Variants in LSP1 observed in about 807,000 individuals in gnomAD.
LSP1 encodes the protein lymphocyte-specific protein 1.
A neutral mutation model predicts 49.3 loss-of-function variants in LSP1; 32 were observed. The observed-to-expected ratio is 0.65, with a 90% confidence interval of 0.49 to 0.87. The LOEUF is 0.87. Among genes scored for constraint, LSP1 ranks in the 40% least tolerant of loss-of-function variants. The pLI, the probability that LSP1 is intolerant of heterozygous loss-of-function variation, is 0.00. For missense variants in LSP1, 428 were observed against 442.6 expected (o/e 0.97, Z 0.30); for synonymous variants, 179 against 178.8 (o/e 1.00, Z -0.01).
chr11:1,859,285 C>T (rs768224841), intron 1 of LSP1, among the ~76,000 whole-genome samples: 1 of 152,142 alleles, frequency 6.6e-6, no homozygotes, highest in Non-Finnish European at 1.5e-5. Flanking sequence ...AAGCCCAGTA[C>T]CCTTCCCAGA....
chr11:1,873,361 C>T (rs1265872127), intron 1 of LSP1, among the ~76,000 whole-genome samples: 1 of 152,126 alleles, frequency 6.6e-6, no homozygotes, highest in Non-Finnish European at 1.5e-5. Context: ...CAGCTCCCCT[C>T]TGTGCTTCTT....
At chr11:1,860,278 A>C (rs1193702344) in intron 1 of LSP1, among the ~76,000 whole-genome samples, 1 of 151,714 alleles carries the variant, frequency 6.6e-6, no homozygotes, top group Non-Finnish European at 1.5e-5. Flanking sequence ...TGAATGATGG[A>C]TGGATGGATA....
intron 1 of LSP1, chr11:1,866,582 C>A (rs750992011): frequency 3.4e-5 from 52 of 1,549,448 alleles, no homozygotes; most frequent in Non-Finnish European, 4.4e-5. Flanking sequence ...CTCATCCCAG[C>A]CTCCCCCTAC....
intron 1 of LSP1, among the ~76,000 whole-genome samples, chr11:1,875,074 CGGCCA>C (rs1848251118): frequency 6.7e-6 from 1 of 148,946 alleles, no homozygotes; most frequent in African/African-American, 2.6e-5. Context: ...GGTCCCAGCT[CGGCCA>C]TGGGGGCTTC....
intron 1 of LSP1, among the ~76,000 whole-genome samples, chr11:1,858,234 T>C (rs906323011): frequency 7.2e-5 from 11 of 152,146 alleles, no homozygotes; most frequent in African/African-American, 2.7e-4. Context: ...GTTCGGGTGC[T>C]GAGGGCCCAC....
rs1848801357 is a variant in LSP1, at chr11:1,887,414, A to G, written c.931-60A>G. On this transcript the variant is annotated intron_variant, in intron 9 of 10. Transcript: ENST00000311604. ...ATCTGGGAGGGCTTCCCAGAGGCGGAGGCAGCATCATCTCCTTTCTGCTGC... is the reference window on the plus strand; with the variant it reads ...ATCTGGGAGGGCTTCCCAGAGGCGGGGGCAGCATCATCTCCTTTCTGCTGC... The G allele has an allele frequency of 1.9e-6, 3 of 1,574,056 alleles. No individual in the cohort carries two copies. In the African/African-American group the frequency reaches 4.0e-5, roughly 21 times the overall value.
intron 1 of LSP1, among the ~76,000 whole-genome samples, chr11:1,861,253 A>T (rs1248877013): frequency 6.6e-6 from 1 of 152,264 alleles, no homozygotes; most frequent in African/African-American, 2.4e-5. Context: ...AATCCCCTCC[A>T]GAACTCCATA....
intron 1 of LSP1, among the ~76,000 whole-genome samples, chr11:1,857,652 G>A (rs1283526271): frequency 6.6e-6 from 1 of 152,216 alleles, no homozygotes; most frequent in Non-Finnish European, 1.5e-5. Context: ...AGTGCTTTCT[G>A]GATGAGTAAG....
At chr11:1,862,947 A>G (rs1458504295) in intron 1 of LSP1, among the ~76,000 whole-genome samples, 2 of 152,126 alleles carry the variant, frequency 1.3e-5, no homozygotes, top group African/African-American at 4.8e-5. Context: ...AGCTTTGTGG[A>G]TGCTGGGGAT....
chr11:1,879,906 G>C (rs756042941), intron 1 of LSP1, 181 bp from the exon 2 acceptor site: 34 of 634,878 alleles, frequency 5.4e-5, no homozygotes, highest in Non-Finnish European at 7.2e-5. Flanking sequence ...TCATGACCAC[G>C]TGGGCAGCCT....
At chr11:1,889,431 G>A (rs756200892) in intron 10 of LSP1, 2 of 666,870 alleles carry the variant, frequency 3.0e-6, no homozygotes, top group South Asian at 3.3e-5. Flanking sequence ...GGTGAGGGCG[G>A]GCACCTCCTG....
chr11:1,871,411 A>G lies in LSP1; in HGVS notation c.54-8676A>G, dbSNP rs551713870. 11 of 986,312 alleles carry G rather than the reference A, an allele frequency of 1.1e-5. No individual in the cohort carries two copies. The East Asian group carries it at 1.0e-3, about 90-fold the overall frequency. The allele number at this position is 986,312 out of a possible 1,614,324, so 61.1% of individuals were successfully genotyped here. On this transcript the variant is annotated intron_variant, in intron 1 of 10. Coordinates refer to ENST00000311604, the MANE Select transcript of LSP1 (RefSeq NM_002339.3). ...GGCTGACCACAGAGCACATCAAAAGAGGTAGGGCACCCAGCGCAAGGGAGG... is the reference window on the plus strand; with the variant it reads ...GGCTGACCACAGAGCACATCAAAAGGGGTAGGGCACCCAGCGCAAGGGAGG...
chr11:1,855,891 C>T (rs938647822), intron 1 of LSP1, among the ~76,000 whole-genome samples: 5 of 152,204 alleles, frequency 3.3e-5, no homozygotes, highest in African/African-American at 9.7e-5. Context: ...GCCTTGGAGG[C>T]CTTGAGGCGA....
chr11:1,886,931 C>G, intron 8 of LSP1, 65 bp downstream of exon 8: 1 of 1,563,316 alleles, frequency 6.4e-7, no homozygotes, highest in Non-Finnish European at 8.7e-7. Context: ...AGTAGCAGGC[C>G]GGGTTTCCTT....
At chr11:1,887,406 A>T (rs1350854859) in intron 9 of LSP1, 68 bp from the exon 10 acceptor site, 3 of 1,582,024 alleles carry the variant, frequency 1.9e-6, no homozygotes, top group Non-Finnish European at 2.6e-6. Context: ...AGGGCTTCCC[A>T]GAGGCGGAGG....
intron 1 of LSP1, among the ~76,000 whole-genome samples, chr11:1,874,041 G>GAGGGAGGCCGGCAGAGC (rs1554974213): frequency 0.016 from 1,184 of 73,656 alleles, 131 homozygotes; most frequent in Non-Finnish European, 0.021. Context: ...GCCGGCAGAG[G>GAGGGAGGCCGGCAGAGC]AGGGAGGCTG....
chr11:1,866,463 A>G lies in LSP1; in HGVS notation c.53+13266A>G, dbSNP rs767035902. ...CAGCTCCCACTTGTTGGGTCCGTGC[A>G]GATGCAGAGAGATGGCTCCGATCTG... On this transcript the variant is annotated intron_variant, in intron 1 of 10. Transcript: ENST00000311604. 155 of 1,470,280 alleles carry G rather than the reference A, an allele frequency of 1.1e-4. 1 individual carries two copies. The highest frequency in any genetic ancestry group is 5.0e-4 in the Admixed American group (20 of 39,666). The allele number at this position is 1,470,280 out of a possible 1,614,324, so 91.1% of individuals were successfully genotyped here.
chr11:1,862,075 A>G (rs189255606), intron 1 of LSP1, among the ~76,000 whole-genome samples: 2 of 151,564 alleles, frequency 1.3e-5, no homozygotes, highest in South Asian at 2.1e-4. Flanking sequence ...GGGTGGATGG[A>G]CGGATGCATG....
intron 3 of LSP1, among the ~76,000 whole-genome samples, chr11:1,881,798 A>G (rs963475785): frequency 2.0e-5 from 3 of 152,082 alleles, no homozygotes; most frequent in Non-Finnish European, 4.4e-5. Flanking sequence ...AGAGCCTGAA[A>G]TGCCCCCATG....
Sources: allele counts gnomAD v4.1 joint callset (sites outside exome capture counted in the v4.1 genomes callset), GRCh38; gene constraint gnomAD v4.1.1; transcripts MANE v1.5; gene names NCBI Gene and HGNC (gene_info 2026-07-23, HGNC 2026-07-21).